The following GRIN2A variants were observed in gnomAD, a reference collection of about 807,000 sequenced individuals.
GRIN2A encodes glutamate ionotropic receptor NMDA type subunit 2A, also known as glutamate receptor ionotropic, NMDA 2A.
Under a neutral mutation model 113.4 loss-of-function variants are expected in GRIN2A, and 22 were observed. The observed-to-expected ratio is 0.19, with a 90% CI of 0.14 to 0.28. The LOEUF (loss-of-function observed/expected upper bound fraction) is 0.28, where lower values mean the gene tolerates loss of function less well. Ranked by LOEUF, GRIN2A falls within the 10% of genes least tolerant of loss-of-function variation. The pLI, the probability that GRIN2A is intolerant of heterozygous loss-of-function variation, is 1.00. For synonymous variants in GRIN2A, 827 were observed against 738.4 expected, an observed-to-expected ratio of 1.12 and a Z score of -1.94; for missense variants, 1,502 against 1,887.0, an observed-to-expected ratio of 0.80 and a Z score of 3.78.
At chr16:9,875,500 C>T (rs950802647) in intron 4 of GRIN2A, among the ~76,000 whole-genome samples, 1 of 152,166 alleles carries the variant, frequency 6.6e-6, no homozygotes, top group Non-Finnish European at 1.5e-5. Context: ...TAGCCAGAAG[C>T]AGATTGCTGG....
intron 2 of GRIN2A, among the ~76,000 whole-genome samples, chr16:10,151,802 T>A (rs1465841242): frequency 6.6e-6 from 1 of 152,138 alleles, no homozygotes; most frequent in Non-Finnish European, 1.5e-5. Flanking sequence ...GCTCCCCAAG[T>A]GGAATTACCA....
intron 2 of GRIN2A, among the ~76,000 whole-genome samples, chr16:9,950,415 C>T (rs946159507): frequency 8.5e-5 from 13 of 152,092 alleles, no homozygotes; most frequent in Non-Finnish European, 1.9e-4. Flanking sequence ...AAAAAAGAAA[C>T]TACCAAGGGT....
At chr16:9,812,200 G>T (rs1329349461) in intron 10 of GRIN2A, among the ~76,000 whole-genome samples, 5 of 152,152 alleles carry the variant, frequency 3.3e-5, no homozygotes, top group Admixed American at 3.3e-4. Flanking sequence ...CTCAATGCCT[G>T]TTTCCTCAAA....
chr16:9,780,469 T>C (rs906040397), intron 11 of GRIN2A, among the ~76,000 whole-genome samples: 1 of 152,246 alleles, frequency 6.6e-6, no homozygotes, highest in Admixed American at 6.5e-5. Context: ...AATGAATACA[T>C]GTTGTATGAT....
intron 3 of GRIN2A, among the ~76,000 whole-genome samples, chr16:9,901,529 G>A (rs997618251): frequency 9.9e-5 from 15 of 152,172 alleles, no homozygotes; most frequent in South Asian, 2.1e-4. Flanking sequence ...GTGCGACCTC[G>A]GCTCACTGCA....
chr16:10,140,986 G>A (rs2049315455), intron 2 of GRIN2A, among the ~76,000 whole-genome samples: 1 of 152,070 alleles, frequency 6.6e-6, no homozygotes, highest in South Asian at 2.1e-4. Context: ...TTGAGCCCAG[G>A]AGTTTGAGAC....
chr16:10,028,441 G>A (rs1476692679), intron 2 of GRIN2A, among the ~76,000 whole-genome samples: 7 of 152,214 alleles, frequency 4.6e-5, no homozygotes, highest in Non-Finnish European at 8.8e-5. Context: ...GCATCTGGGT[G>A]TAGCCATGTG....
At chr16:9,838,259 G>C (rs1217433662) in intron 7 of GRIN2A, among the ~76,000 whole-genome samples, 1 of 152,076 alleles carries the variant, frequency 6.6e-6, no homozygotes, top group Non-Finnish European at 1.5e-5. Context: ...ACAACTAAAA[G>C]TAGATCTACC....
At chr16:9,774,645 G>A (rs535869134) in intron 11 of GRIN2A, among the ~76,000 whole-genome samples, 7 of 152,326 alleles carry the variant, frequency 4.6e-5, no homozygotes, top group East Asian at 1.9e-4. Flanking sequence ...ATGAGGGCAC[G>A]CAGGTGCAGA....
Position 9,763,242 on chromosome 16 carries a change from A to G in GRIN2A, c.4302T>C (p.Asn1434=). ...ISEHVMPYAA[N]KNNMYSTPRV... Reference sequence around the variant, plus strand: ...TGGGGGTAGAGTACATATTATTCTTATTTGCAGCATAAGGCATAACATGCT... The same window carrying G: ...TGGGGGTAGAGTACATATTATTCTTGTTTGCAGCATAAGGCATAACATGCT... The change falls in exon 13 of 13, where the codon AAT becomes AAC. Residue 1434 remains asparagine, a synonymous_variant. Transcript: ENST00000330684. 1 of 1,613,994 alleles carries G rather than the reference A, an allele frequency of 6.2e-7. No homozygotes were observed. Among genetic ancestry groups the G allele is most frequent in the Non-Finnish European group, 8.5e-7 (1 of 1,179,936 alleles).
At chr16:9,771,544 C>T (rs996204012) in intron 11 of GRIN2A, among the ~76,000 whole-genome samples, 1 of 151,768 alleles carries the variant, frequency 6.6e-6, no homozygotes, top group Non-Finnish European at 1.5e-5. Context: ...TCTAGTCTTT[C>T]AGATTACTCC....
At chr16:9,942,473 A>T (rs2044906936) in intron 2 of GRIN2A, among the ~76,000 whole-genome samples, 1 of 152,178 alleles carries the variant, frequency 6.6e-6, no homozygotes, top group South Asian at 2.1e-4. Context: ...CTTCCATCAC[A>T]TGGGTCTGCT....
intron 4 of GRIN2A, among the ~76,000 whole-genome samples, chr16:9,863,740 A>C (rs2043112651): frequency 6.6e-6 from 1 of 152,202 alleles, no homozygotes; most frequent in African/African-American, 2.4e-5. Flanking sequence ...GGGCCTTAGA[A>C]AGGAGGATTT....
intron 2 of GRIN2A, among the ~76,000 whole-genome samples, chr16:10,148,691 T>A (rs913783203): frequency 3.3e-5 from 5 of 152,140 alleles, no homozygotes; most frequent in Non-Finnish European, 7.3e-5. Flanking sequence ...AAAATAAAGC[T>A]AACATATGAC....
intron 3 of GRIN2A, among the ~76,000 whole-genome samples, chr16:9,914,386 G>T (rs991883156): frequency 1.3e-5 from 2 of 152,164 alleles, no homozygotes; most frequent in African/African-American, 2.4e-5. Flanking sequence ...CACCATACTG[G>T]TTTCTATTTC....
intron 2 of GRIN2A, among the ~76,000 whole-genome samples, chr16:10,174,651 C>G (rs2050108583): frequency 6.6e-6 from 1 of 151,954 alleles, no homozygotes; most frequent in Non-Finnish European, 1.5e-5. Flanking sequence ...AAAGAGGAAC[C>G]AATTATTATC....
intron 2 of GRIN2A, among the ~76,000 whole-genome samples, chr16:10,094,798 G>C (rs1567294462): frequency 2.0e-5 from 3 of 147,838 alleles, no homozygotes; most frequent in African/African-American, 5.0e-5. Flanking sequence ...AGAAATGACT[G>C]ATTGCTGATT....
intron 2 of GRIN2A, among the ~76,000 whole-genome samples, chr16:9,941,191 C>T (rs1178248126): frequency 6.6e-6 from 1 of 152,150 alleles, no homozygotes; most frequent in Admixed American, 6.5e-5. Context: ...TGAGACACTT[C>T]CTTGGGAAGA....
rs75996883 is a variant in GRIN2A, at chr16:9,992,316, C to G, written c.415-53765G>C. Among the ~76,000 whole-genome samples, 1,300 of 152,174 alleles carry G rather than the reference C, an allele frequency of 8.5e-3. 19 individuals are homozygous for G. The highest frequency in any genetic ancestry group is 0.029 in the African/African-American group (1,223 of 41,518). ...GAAGCTGGATGAGGTAAAGAGGAGG[C>G]TTTATAAGTCTATTGTCTCTCAAGC... On this transcript the variant is annotated intron_variant, in intron 2 of 12. Transcript: ENST00000330684.
Sources: allele counts gnomAD v4.1 joint callset (sites outside exome capture counted in the v4.1 genomes callset), GRCh38; gene constraint gnomAD v4.1.1; transcripts MANE v1.5; gene names NCBI Gene and HGNC (gene_info 2026-07-23, HGNC 2026-07-21).